Variants in MCC observed in about 807,000 individuals in gnomAD.
The protein encoded by MCC is MCC regulator of Wnt signaling pathway, also known as colorectal mutant cancer protein.
Under a neutral mutation model 116.2 loss-of-function variants are expected in MCC, and 90 were observed. That is an observed-to-expected ratio of 0.77 (90% CI 0.65 to 0.92). The LOEUF (loss-of-function observed/expected upper bound fraction) is 0.92, where lower values mean the gene tolerates loss of function less well. MCC is among the 40% of genes least tolerant of loss of function. The probability of loss-of-function intolerance (pLI) is 0.00; values close to 1 mark genes in which losing one functional copy is unlikely to be tolerated. For synonymous variants in MCC, 578 were observed against 510.5 expected (o/e 1.13, Z -1.78); for missense variants, 1,516 against 1,312.2 (o/e 1.16, Z -2.40).
chr5:113,115,170 C>A (rs1581093436), intron 6 of MCC, among the ~76,000 whole-genome samples: 2 of 152,182 alleles, frequency 1.3e-5, no homozygotes, highest in Non-Finnish European at 1.5e-5. Flanking sequence ...CTTGTTCCGG[C>A]CCCTGCACAC....
chr5:113,423,561 T>G (rs1287067836), intron 1 of MCC, among the ~76,000 whole-genome samples: 1 of 152,162 alleles, frequency 6.6e-6, no homozygotes, highest in Non-Finnish European at 1.5e-5. Flanking sequence ...ACAGAAGTGA[T>G]GATTAGAACA....
chr5:113,124,318 G>A (rs1757912286), intron 5 of MCC, among the ~76,000 whole-genome samples: 1 of 152,186 alleles, frequency 6.6e-6, no homozygotes, highest in South Asian at 2.1e-4. Context: ...CAGGATGATT[G>A]TGCACTGATA....
rs1561717412 is a variant in MCC, at chr5:113,022,402, CAA to C, written c.*4898_*4899del. ...TAGTCACATGTGCTTTAATAACTGA[CAA>C]TACATTCAAGCAGGTTTTTCTAATT... On this transcript the variant is annotated 3_prime_UTR_variant, in exon 19 of 19. Transcript: ENST00000408903. 6.6e-6 allele frequency: 1 copy of C among 152,548 alleles called. No individual in the cohort carries two copies. Among genetic ancestry groups the C allele is most frequent in the Non-Finnish European group, 1.5e-5 (1 of 68,020 alleles). The allele number at this position is 152,548 out of a possible 1,614,324, so 9.4% of individuals were successfully genotyped here.
At chr5:113,187,712 G>A (rs1276795094) in intron 3 of MCC, among the ~76,000 whole-genome samples, 2 of 149,046 alleles carry the variant, frequency 1.3e-5, no homozygotes, top group East Asian at 2.0e-4. Context: ...CCCAGATCGC[G>A]CCACTGCACT....
chr5:113,178,618 C>T (rs1761457624), intron 3 of MCC, among the ~76,000 whole-genome samples: 1 of 152,166 alleles, frequency 6.6e-6, no homozygotes, highest in Non-Finnish European at 1.5e-5. Context: ...CAACCGGATT[C>T]CTTTCTATAA....
chr5:113,154,349 G>A (rs183456506), intron 3 of MCC, among the ~76,000 whole-genome samples: 46 of 152,318 alleles, frequency 3.0e-4, no homozygotes, highest in East Asian at 1.7e-3. Flanking sequence ...CAATTACTCC[G>A]CAGAGGCTAC....
At chr5:113,431,383 C>T (rs951595412) in intron 1 of MCC, among the ~76,000 whole-genome samples, 9 of 152,068 alleles carry the variant, frequency 5.9e-5, no homozygotes, top group African/African-American at 2.2e-4. Flanking sequence ...TCTCTGAGGG[C>T]ACTAGGAAAG....
intron 1 of MCC, among the ~76,000 whole-genome samples, chr5:113,394,152 A>G (rs1020526116): frequency 1.3e-5 from 2 of 152,128 alleles, no homozygotes; most frequent in African/African-American, 4.8e-5. Flanking sequence ...TACATAAATT[A>G]TACCATCCAG....
rs1295642958 is a variant in MCC at position 113,023,043 on chromosome 5, T to C, written c.*4259A>G. 6.6e-6 allele frequency: 1 copy of C among 152,242 alleles called. No homozygotes were observed. The highest frequency in any genetic ancestry group is 1.5e-5 in the Non-Finnish European group (1 of 68,040). 9.4% of individuals were successfully genotyped at this position (152,242 alleles called of 1,614,324 possible). A position where few individuals can be genotyped will look rare whatever the true frequency, so the allele number is the denominator to read the frequency against. Reference sequence around the variant, plus strand: ...CATGAACAGCTGCTATCAACTTGTATACTTTTTTTCCACTTGTTTATATTT... The same window carrying C: ...CATGAACAGCTGCTATCAACTTGTACACTTTTTTTCCACTTGTTTATATTT... On this transcript the variant is annotated 3_prime_UTR_variant, in exon 19 of 19. Coordinates refer to ENST00000408903, the MANE Select transcript of MCC (RefSeq NM_001085377.2).
At position 113,116,986 on chromosome 5, in the gene MCC, T is replaced by G. The variant is rs2150266099; in HGVS notation, c.1027+5698A>C. 2.6e-5 allele frequency among the ~76,000 whole-genome samples: 4 copies of G among 152,370 alleles called. 1 individual carries two copies. In the Middle Eastern group the frequency reaches 0.014, roughly 518 times the overall value. On this transcript the variant is annotated intron_variant, in intron 6 of 18. Coordinates refer to ENST00000408903, the MANE Select transcript of MCC (RefSeq NM_001085377.2). ...GTAACAAAGGGCTTGGCCTGTTACA[T>G]GAACTAGTTAGAGTACAACTTTCAG...
At chr5:113,361,135 C>T (rs1224289135) in intron 2 of MCC, among the ~76,000 whole-genome samples, 1 of 152,126 alleles carries the variant, frequency 6.6e-6, no homozygotes, top group East Asian at 1.9e-4. Flanking sequence ...AGCAGTAAAA[C>T]TCTTCTACTC....
chr5:113,056,550 A>AC (rs1404225081), intron 14 of MCC, among the ~76,000 whole-genome samples: 2 of 152,210 alleles, frequency 1.3e-5, no homozygotes, highest in Non-Finnish European at 2.9e-5. Context: ...AAAGAGGGGA[A>AC]CAACAAACAA....
intron 1 of MCC, among the ~76,000 whole-genome samples, chr5:113,444,141 G>A (rs534494302): frequency 1.8e-4 from 27 of 152,152 alleles, no homozygotes; most frequent in African/African-American, 5.1e-4. Flanking sequence ...CACCGTGCCC[G>A]GCCTGTACAG....
At chr5:113,398,784 T>C (rs1769601511) in intron 1 of MCC, among the ~76,000 whole-genome samples, 2 of 152,236 alleles carry the variant, frequency 1.3e-5, no homozygotes. Context: ...CATCACGCAA[T>C]ATACCCATGT....
intron 12 of MCC, among the ~76,000 whole-genome samples, chr5:113,070,142 T>C (rs922995416): frequency 6.6e-6 from 1 of 152,246 alleles, no homozygotes. Flanking sequence ...TAAACCAGAA[T>C]GATTGCTCTC....
At chr5:113,072,712 C>T (rs1207972018) in intron 11 of MCC, among the ~76,000 whole-genome samples, 1 of 152,148 alleles carries the variant, frequency 6.6e-6, no homozygotes, top group Non-Finnish European at 1.5e-5. Flanking sequence ...TCCCGGGGTC[C>T]CCTCTGCTAT....
intron 8 of MCC, among the ~76,000 whole-genome samples, chr5:113,100,943 C>G (rs1013901530): frequency 6.6e-6 from 1 of 152,124 alleles, no homozygotes; most frequent in Non-Finnish European, 1.5e-5. Context: ...ATTGCTTCAC[C>G]CCCAGTCCAA....
At chr5:113,035,834 CTG>C (rs1385678982) in intron 17 of MCC, among the ~76,000 whole-genome samples, 1 of 152,128 alleles carries the variant, frequency 6.6e-6, no homozygotes, top group East Asian at 1.9e-4. Context: ...TCCACAGTGA[CTG>C]TATCACATCA....
At chr5:113,166,645 T>G (rs146805854) in intron 3 of MCC, among the ~76,000 whole-genome samples, 131 of 146,190 alleles carry the variant, frequency 9.0e-4, no homozygotes, top group African/African-American at 3.3e-3. Flanking sequence ...TAAACAGGAC[T>G]ATAAGATCCC....
Sources: allele counts gnomAD v4.1 joint callset (sites outside exome capture counted in the v4.1 genomes callset), GRCh38; gene constraint gnomAD v4.1.1; transcripts MANE v1.5; gene names NCBI Gene and HGNC (gene_info 2026-07-23, HGNC 2026-07-21).